The following SRD5A1 variants were observed in gnomAD, a reference collection of about 807,000 sequenced individuals.
SRD5A1 encodes the protein steroid 5 alpha-reductase 1, also known as 3-oxo-5-alpha-steroid 4-dehydrogenase 1.
In SRD5A1, 22 loss-of-function variants were observed where a neutral mutation model predicts 28.2. That is an observed-to-expected ratio of 0.78 (90% CI 0.56 to 1.12). SRD5A1 has a LOEUF of 1.12. SRD5A1 is among the 50% of genes most tolerant of loss of function. SRD5A1 has a pLI of 0.00. For synonymous variants in SRD5A1, 151 were observed against 135.0 expected, an observed-to-expected ratio of 1.12 and a Z score of -0.82; for missense variants, 300 against 346.7, an observed-to-expected ratio of 0.87 and a Z score of 1.07.
At chr5:6,659,512 A>G (rs920724349) in intron 3 of SRD5A1, among the ~76,000 whole-genome samples, 2 of 149,710 alleles carry the variant, frequency 1.3e-5, no homozygotes, top group Admixed American at 6.7e-5. Context: ...TGAAGAAGAA[A>G]TCCAAAGCAT....
At chr5:6,663,895 T>G (rs1739084555) in intron 4 of SRD5A1, among the ~76,000 whole-genome samples, 1 of 151,030 alleles carries the variant, frequency 6.6e-6, no homozygotes, top group South Asian at 2.1e-4. Context: ...AATTGAAGGA[T>G]GTCAAGGCTG....
rs564413939 is a variant in SRD5A1, at chr5:6,639,064, A to G, written c.293+5195A>G. On this transcript the variant is annotated intron_variant, in intron 1 of 4. Transcript: ENST00000274192. ...TAGGTTGTCCTGAAAGATGACGTCC[A>G]GACGCTTTGAGAGTCAAATCATTTG... 2.6e-5 allele frequency among the ~76,000 whole-genome samples: 4 copies of G among 152,382 alleles called. No homozygotes were observed. The East Asian group carries it at 5.8e-4, about 22-fold the overall frequency.
At position 6,672,521 on chromosome 5, in the gene SRD5A1, C is replaced by CA. The variant is rs1739391101; in HGVS notation, c.*4254dup. The CA allele has an allele frequency of 6.6e-6, 1 of 152,212 alleles. No individual in the cohort carries two copies. The highest frequency in any genetic ancestry group is 1.5e-5 in the Non-Finnish European group (1 of 68,056). The allele number at this position is 152,212 out of a possible 1,614,324, so 9.4% of individuals were successfully genotyped here. A position where few individuals can be genotyped will look rare whatever the true frequency, so the allele number is the denominator to read the frequency against. Reference sequence around the variant, plus strand: ...AACTCCTGACCTCAAGTGATCCACCCACCTTGGCCTCCCAAGGTGCTGGGA... The same window carrying CA: ...AACTCCTGACCTCAAGTGATCCACCCAACCTTGGCCTCCCAAGGTGCTGGGA... On this transcript the variant is annotated 3_prime_UTR_variant, in exon 5 of 5. Transcript: ENST00000274192.
intron 4 of SRD5A1, among the ~76,000 whole-genome samples, chr5:6,663,337 C>T (rs1430142923): frequency 3.3e-5 from 5 of 152,188 alleles, no homozygotes; most frequent in African/African-American, 1.2e-4. Context: ...TGAGGAAGTC[C>T]TGAAGAGGTA....
At chr5:6,648,140 G>A (rs1310571048) in intron 1 of SRD5A1, among the ~76,000 whole-genome samples, 1 of 152,194 alleles carries the variant, frequency 6.6e-6, no homozygotes, top group African/African-American at 2.4e-5. Context: ...TTTCTGCCAA[G>A]AGATCTGCTG....
intron 2 of SRD5A1, among the ~76,000 whole-genome samples, chr5:6,654,121 C>T (rs1032750170): frequency 1.3e-5 from 2 of 151,062 alleles, no homozygotes; most frequent in African/African-American, 2.4e-5. Context: ...GGTGCAATCT[C>T]GGCTCACTGC....
Position 6,654,219 on chromosome 5 carries a change from A to AT in SRD5A1, c.461-1851dup, listed in dbSNP as rs1403661519. On this transcript the variant is annotated intron_variant, in intron 2 of 4. Transcript: ENST00000274192. Reference sequence around the variant, plus strand: ...AGGTGCATGCCACTATGCCCAACTAATTTTTTTTATTTTTTTTAGTAAAGA... The same window carrying AT: ...AGGTGCATGCCACTATGCCCAACTAATTTTTTTTTATTTTTTTTAGTAAAGA... Among the ~76,000 whole-genome samples the AT allele has an allele frequency of 1.3e-4, 20 of 151,490 alleles. No individual in the cohort carries two copies. The East Asian group carries it at 1.8e-3, about 13-fold the overall frequency.
intron 1 of SRD5A1, chr5:6,645,068 G>A (rs755441640): frequency 8.9e-6 from 4 of 449,162 alleles, no homozygotes; most frequent in South Asian, 6.3e-5. Flanking sequence ...AGGGGTCCTG[G>A]CCTGAATGAG....
At chr5:6,646,006 C>A (rs1009775882) in intron 1 of SRD5A1, among the ~76,000 whole-genome samples, 2 of 152,130 alleles carry the variant, frequency 1.3e-5, no homozygotes, top group South Asian at 2.1e-4. Context: ...TCCCCCACCC[C>A]ACAACAGGCC....
At chr5:6,636,471 C>T (rs373952605) in intron 1 of SRD5A1, among the ~76,000 whole-genome samples, 1 of 152,210 alleles carries the variant, frequency 6.6e-6, no homozygotes, top group East Asian at 1.9e-4. Flanking sequence ...CAGGTGTGCA[C>T]ACAGGCCCTG....
chr5:6,649,158 CG>C (rs1738592469), intron 1 of SRD5A1, among the ~76,000 whole-genome samples: 1 of 152,170 alleles, frequency 6.6e-6, no homozygotes, highest in East Asian at 1.9e-4. Context: ...AGGTGTCTGT[CG>C]GCCCCTACTG....
intron 1 of SRD5A1, among the ~76,000 whole-genome samples, chr5:6,635,809 C>G (rs745907090): frequency 2.6e-5 from 4 of 152,194 alleles, no homozygotes; most frequent in Non-Finnish European, 5.9e-5. Flanking sequence ...AGCTTTTTAA[C>G]TTGAGACATC....
intron 2 of SRD5A1, among the ~76,000 whole-genome samples, chr5:6,654,688 C>T (rs6874555): frequency 0.017 from 2,645 of 152,316 alleles, 76 homozygotes; most frequent in African/African-American, 0.06. Flanking sequence ...CCACCTTGGC[C>T]TCCCAAAGTG....
At chr5:6,658,078 A>G (rs1280964536) in intron 3 of SRD5A1, among the ~76,000 whole-genome samples, 2 of 152,164 alleles carry the variant, frequency 1.3e-5, no homozygotes. Flanking sequence ...TAATCCCAGC[A>G]TGTTGAGAGG....
At position 6,640,442 on chromosome 5, in the gene SRD5A1, A is replaced by G. The variant is rs8192159; in HGVS notation, c.293+6573A>G. Among the ~76,000 whole-genome samples, 819 of 152,210 alleles carry G rather than the reference A, an allele frequency of 5.4e-3. 12 individuals carry two copies. Among genetic ancestry groups the G allele is most frequent in the Middle Eastern group, 0.024 (7 of 294 alleles). ...TCTCAGTTCAGCTCCATCATCAAAC[A>G]TGTCTCCCATTCCTGGTGGCCTCAC... On this transcript the variant is annotated intron_variant, in intron 1 of 4. Coordinates refer to ENST00000274192, the MANE Select transcript of SRD5A1 (RefSeq NM_001047.4).
chr5:6,662,337 G>A (rs1272588471), intron 3 of SRD5A1, among the ~76,000 whole-genome samples: 1 of 152,250 alleles, frequency 6.6e-6, no homozygotes, highest in Non-Finnish European at 1.5e-5. Context: ...TGGAGTTCAT[G>A]GTTCTAGATG....
chr5:6,646,776 T>C lies in SRD5A1; in HGVS notation c.294-5066T>C, dbSNP rs112737904. ...AAGGGTTTTTCATGTCTGTCTCTCCTTCAGTTCTGCTCTGATCTTAGTTAT... is the reference window on the plus strand; with the variant it reads ...AAGGGTTTTTCATGTCTGTCTCTCCCTCAGTTCTGCTCTGATCTTAGTTAT... On this transcript the variant is annotated intron_variant, in intron 1 of 4. Transcript: ENST00000274192. Among the ~76,000 whole-genome samples, 604 of 152,316 alleles carry C rather than the reference T, an allele frequency of 4.0e-3. 4 individuals are homozygous for C. Among genetic ancestry groups the C allele is most frequent in the African/African-American group, 0.014 (575 of 41,576 alleles).
In SRD5A1 at chr5:6,656,136, G is replaced by A; in HGVS notation, c.519G>A (p.Arg173=). 1 of 1,614,050 alleles carries A rather than the reference G, an allele frequency of 6.2e-7. No homozygotes were observed. Among genetic ancestry groups the A allele is most frequent in the Non-Finnish European group, 8.5e-7 (1 of 1,179,964 alleles). Residue 173 remains arginine (R), a synonymous_variant, in exon 3 of 5, where the codon AGG becomes AGA. Transcript: ENST00000274192. ...ACATCCATTCAGATCATATCCTAAG[G>A]AATCTCAGAAAACCAGGAGATACTG... ...LINIHSDHIL[R]NLRKPGDTGY... is the part of the protein sequence containing the mutation.
In SRD5A1 at chr5:6,633,508, C is replaced by G; in HGVS notation, c.-69C>G. On this transcript the variant is annotated 5_prime_UTR_variant, in exon 1 of 5. Transcript: ENST00000274192. ...CCTCCGGTAGCCGCCCCTCCTGCCC[C>G]CGCGCCGCCGCCCTATATGTTGCCC... 3 of 1,389,124 alleles carry G rather than the reference C, an allele frequency of 2.2e-6. No homozygotes were observed. The highest frequency in any genetic ancestry group is 2.8e-6 in the Non-Finnish European group (3 of 1,079,758). The allele number at this position is 1,389,124 out of a possible 1,614,324, so 86.0% of individuals were successfully genotyped here. A position where few individuals can be genotyped will look rare whatever the true frequency, so the allele number is the denominator to read the frequency against.
Sources: allele counts gnomAD v4.1 joint callset (sites outside exome capture counted in the v4.1 genomes callset), GRCh38; gene constraint gnomAD v4.1.1; transcripts MANE v1.5; gene names NCBI Gene and HGNC (gene_info 2026-07-23, HGNC 2026-07-21).